The following CASP6 variants were observed in gnomAD, a reference collection of about 807,000 sequenced individuals.
CASP6 encodes caspase 6, also known as caspase-6.
CASP6 carries 20 observed loss-of-function variants against 31.8 expected under a neutral mutation model. The observed-to-expected ratio is 0.63, with a 90% CI of 0.44 to 0.91. The LOEUF (loss-of-function observed/expected upper bound fraction) is 0.91, where lower values mean the gene tolerates loss of function less well. Ranked by LOEUF, CASP6 falls within the 40% of genes least tolerant of loss-of-function variation. The pLI, the probability that CASP6 is intolerant of heterozygous loss-of-function variation, is 0.00. For synonymous variants in CASP6, 130 were observed against 127.8 expected (o/e 1.02, Z -0.12); for missense variants, 328 against 361.1 (o/e 0.91, Z 0.74).
At chr4:109,702,339 T>TTC (rs1554022642) in intron 1 of CASP6, among the ~76,000 whole-genome samples, 7 of 149,768 alleles carry the variant, frequency 4.7e-5, no homozygotes, top group African/African-American at 1.2e-4. Flanking sequence ...TTTTTTTTTT[T>TTC]TTCTTCTTGA....
chr4:109,686,403 T>G (rs1729837604), downstream of CASP6, among the ~76,000 whole-genome samples: 1 of 152,208 alleles, frequency 6.6e-6, no homozygotes, highest in Non-Finnish European at 1.5e-5. Flanking sequence ...CCTCCCAAAG[T>G]GTTAGGATTA....
chr4:109,703,606 G>A (rs1042843735), upstream of CASP6: 11 of 609,364 alleles, frequency 1.8e-5, no homozygotes, highest in Non-Finnish European at 2.5e-5. Context: ...TCCGGAGCCC[G>A]CGGGGACCAA....
intron 3 of CASP6, among the ~76,000 whole-genome samples, chr4:109,697,077 T>C (rs1199203342): frequency 1.3e-5 from 2 of 151,944 alleles, no homozygotes; most frequent in East Asian, 1.9e-4. Context: ...TGAGCCACCA[T>C]GCCCGGCCAA....
intron 1 of CASP6, among the ~76,000 whole-genome samples, chr4:109,702,262 T>C (rs1010609547): frequency 1.3e-5 from 2 of 152,296 alleles, no homozygotes; most frequent in African/African-American, 4.8e-5. Flanking sequence ...ACCATTTCCT[T>C]TGTGCAGCAA....
At chr4:109,670,829 C>T in the CASP6 span, among the ~76,000 whole-genome samples, 2 of 151,990 alleles carry the variant, frequency 1.3e-5, no homozygotes, top group Non-Finnish European at 2.9e-5. Context: ...TCAGTTTTCA[C>T]TGTATCTAGT....
At chr4:109,698,411 A>T in intron 1 of CASP6, 69 bp from the exon 2 acceptor site, 1 of 1,357,308 alleles carries the variant, frequency 7.4e-7, no homozygotes, top group Non-Finnish European at 1.0e-6. Flanking sequence ...AGGAACTCCC[A>T]TCCCCCTTCT....
intron 1 of CASP6, 151 bp downstream of exon 1, chr4:109,703,205 C>T: frequency 1.2e-6 from 1 of 864,394 alleles, no homozygotes; most frequent in Non-Finnish European, 1.8e-6. Context: ...CGCTTCAATC[C>T]AAGAGTGCAA....
chr4:109,697,855 A>G lies in CASP6; in HGVS notation c.84-87T>C, dbSNP rs143698623. ...GTTCTAGGTCAACATGTAGATAGAG[A>G]TCTGAGCTTCCTCCTTGCCAGGCTG... On this transcript the variant is annotated intron_variant, in intron 2 of 6. Coordinates refer to ENST00000265164, the MANE Select transcript of CASP6 (RefSeq NM_001226.4). The G allele has an allele frequency of 7.1e-5, 102 of 1,429,194 alleles. No individual in the cohort carries two copies. In the African/African-American group the frequency reaches 1.2e-3, roughly 17 times the overall value. 88.5% of individuals were successfully genotyped at this position (1,429,194 alleles called of 1,614,324 possible).
chr4:109,680,058 T>C, the CASP6 span, among the ~76,000 whole-genome samples: 1 of 152,154 alleles, frequency 6.6e-6, no homozygotes, highest in East Asian at 1.9e-4. Context: ...CACCTTGGCC[T>C]CCCAAAGTGC....
At chr4:109,685,408 C>T, downstream of CASP6, 2 of 845,196 alleles carry the variant, frequency 2.4e-6, no homozygotes, top group Non-Finnish European at 4.0e-6. Context: ...TGTTTGGGAG[C>T]CAGAACTTAG....
At position 109,689,313 on chromosome 4, in the gene CASP6, T is replaced by G. The variant is rs375842091; in HGVS notation, c.*17A>C. 5 of 1,608,330 alleles carry G rather than the reference T, an allele frequency of 3.1e-6. No homozygotes were observed. The highest frequency in any genetic ancestry group is 1.3e-5 in the African/African-American group (1 of 74,686). ...CCATTTTCAATACAGAGTGTAAAAT[T>G]AGATAGCCTCTATTAATTAATTAGA... On this transcript the variant is annotated 3_prime_UTR_variant, in exon 7 of 7. Coordinates refer to ENST00000265164, the MANE Select transcript of CASP6 (RefSeq NM_001226.4).
At chr4:109,705,589 G>A (rs1377318330), upstream of CASP6, among the ~76,000 whole-genome samples, 2 of 152,102 alleles carry the variant, frequency 1.3e-5, no homozygotes, top group African/African-American at 2.4e-5. Flanking sequence ...CATTCGAGAT[G>A]CCATTAAGAA....
At chr4:109,703,237 A>G (rs1312257076) in intron 1 of CASP6, 119 bp downstream of exon 1, 1 of 1,197,538 alleles carries the variant, frequency 8.4e-7, no homozygotes, top group Non-Finnish European at 1.2e-6. Flanking sequence ...CGCCCTGCAA[A>G]GCCGAAGGAA....
chr4:109,698,933 T>G (rs1730334336), intron 1 of CASP6, among the ~76,000 whole-genome samples: 1 of 152,204 alleles, frequency 6.6e-6, no homozygotes, highest in South Asian at 2.1e-4. Context: ...TGGACAGCCT[T>G]CCACTGAATT....
At chr4:109,703,460 G>C (rs1301105433), upstream of CASP6, 9 of 1,572,550 alleles carry the variant, frequency 5.7e-6, no homozygotes, top group East Asian at 2.3e-5. Flanking sequence ...TCCCGGGCCC[G>C]GCCCCGCCCT....
the CASP6 span, among the ~76,000 whole-genome samples, chr4:109,680,231 G>A: frequency 6.6e-6 from 1 of 152,172 alleles, no homozygotes; most frequent in Admixed American, 6.5e-5. Context: ...GCTCTGACTT[G>A]CATCCTGTCA....
At chr4:109,684,262 C>T (rs1313872152), downstream of CASP6, among the ~76,000 whole-genome samples, 1 of 152,010 alleles carries the variant, frequency 6.6e-6, no homozygotes, top group East Asian at 1.9e-4. Flanking sequence ...CGGGGTTTCA[C>T]CATGTTAACC....
At chr4:109,682,641 C>G in the CASP6 span, 1 of 1,612,890 alleles carries the variant, frequency 6.2e-7, no homozygotes, top group Non-Finnish European at 8.5e-7. Context: ...GGTTCACAGA[C>G]TATTTACAAT....
chr4:109,684,681 C>G, downstream of CASP6: 2 of 993,066 alleles, frequency 2.0e-6, no homozygotes, highest in Non-Finnish European at 3.2e-6. Flanking sequence ...TAAGTTAGAA[C>G]ATCTTTGCAA....
Sources: gnomAD v4.1 joint callset for allele counts (sites outside exome capture counted in the v4.1 genomes callset) on GRCh38, gnomAD v4.1.1 for gene constraint, MANE v1.5 for transcripts, NCBI Gene and HGNC (gene_info 2026-07-23, HGNC 2026-07-21) for gene names.